Variants in LRP5 observed in about 807,000 individuals in gnomAD.
LRP5 encodes the protein LDL receptor related protein 5.
Under a neutral mutation model 154.1 loss-of-function variants are expected in LRP5, and 62 were observed. The observed-to-expected ratio is 0.40, with a 90% CI of 0.33 to 0.50. The LOEUF (loss-of-function observed/expected upper bound fraction) is 0.50, where lower values mean the gene tolerates loss of function less well. Ranked by LOEUF, LRP5 falls within the 20% of genes least tolerant of loss-of-function variation. The pLI, the probability that LRP5 is intolerant of heterozygous loss-of-function variation, is 0.55. For missense variants in LRP5, 1,915 were observed against 2,336.7 expected, an observed-to-expected ratio of 0.82 and a Z score of 3.72; for synonymous variants, 966 against 1,011.5, an observed-to-expected ratio of 0.96 and a Z score of 0.85.
At chr11:68,434,676 G>C (rs1389143595) in intron 18 of LRP5, among the ~76,000 whole-genome samples, 1 of 152,174 alleles carries the variant, frequency 6.6e-6, no homozygotes, top group Non-Finnish European at 1.5e-5. Context: ...CACCGCGCCC[G>C]GCCTGAGTTT....
At chr11:68,308,935 T>TC (rs1248102247), upstream of LRP5, among the ~76,000 whole-genome samples, 2 of 142,816 alleles carry the variant, frequency 1.4e-5, no homozygotes, top group African/African-American at 5.2e-5. Flanking sequence ...TTTTTTTTTT[T>TC]TTTTTTTTTT....
intron 1 of LRP5, among the ~76,000 whole-genome samples, chr11:68,333,132 G>T (rs75290885): frequency 6.6e-6 from 1 of 152,136 alleles, no homozygotes; most frequent in Admixed American, 6.6e-5. Flanking sequence ...AGTGGCCACC[G>T]CCACCCCAGT....
chr11:68,328,372 T>C (rs931601661), intron 1 of LRP5, among the ~76,000 whole-genome samples: 4 of 152,232 alleles, frequency 2.6e-5, no homozygotes, highest in African/African-American at 9.6e-5. Flanking sequence ...GGTACAAAGG[T>C]ATGTTTGTTT....
the LRP5 span, among the ~76,000 whole-genome samples, chr11:68,302,783 G>A: frequency 3.3e-5 from 5 of 152,212 alleles, no homozygotes; most frequent in African/African-American, 7.2e-5. Context: ...GCTGTCTGGC[G>A]GGCCGTGGCG....
At chr11:68,299,458 G>A in the LRP5 span, among the ~76,000 whole-genome samples, 1 of 147,888 alleles carries the variant, frequency 6.8e-6, no homozygotes, top group South Asian at 2.1e-4. Flanking sequence ...TAGACAGTGG[G>A]GTGGAGTCCT....
intron 15 of LRP5, among the ~76,000 whole-genome samples, chr11:68,425,612 T>C (rs919299628): frequency 1.4e-4 from 22 of 152,188 alleles, no homozygotes; most frequent in African/African-American, 5.3e-4. Context: ...TGTGTTAGGC[T>C]GCGAGGGCTG....
At chr11:68,425,769 G>A (rs1395356908) in intron 15 of LRP5, among the ~76,000 whole-genome samples, 4 of 152,118 alleles carry the variant, frequency 2.6e-5, no homozygotes, top group African/African-American at 9.7e-5. Flanking sequence ...CCTTCATCCC[G>A]AGCCCAGCCC....
chr11:68,413,216 A>G lies in LRP5; in HGVS notation c.2504-473A>G, dbSNP rs2098660585. 1 of 272,230 alleles carries G rather than the reference A, an allele frequency of 3.7e-6. No individual in the cohort carries two copies. Among genetic ancestry groups the G allele is most frequent in the South Asian group, 7.3e-5 (1 of 13,668 alleles). 16.9% of individuals were successfully genotyped at this position (272,230 alleles called of 1,614,324 possible). On this transcript the variant is annotated intron_variant, in intron 11 of 22. Transcript: ENST00000294304. This position sits in a 1 kb window ranked among gnomAD's most constrained non-coding sequence, Gnocchi z 5.1. ...ATCACCCCGGAGTGAGGACAGACTCAGATGAAAACCAGCAAAAGCCCTGGA... is the reference window on the plus strand; with the variant it reads ...ATCACCCCGGAGTGAGGACAGACTCGGATGAAAACCAGCAAAAGCCCTGGA...
chr11:68,309,185 G>A (rs1226584886), upstream of LRP5, among the ~76,000 whole-genome samples: 4 of 151,098 alleles, frequency 2.6e-5, no homozygotes, highest in African/African-American at 4.9e-5. Flanking sequence ...CACCCACCTC[G>A]GCCTCCCAAA....
At chr11:68,391,666 GT>G (rs1340336542) in intron 7 of LRP5, among the ~76,000 whole-genome samples, 2 of 152,236 alleles carry the variant, frequency 1.3e-5, no homozygotes, top group African/African-American at 4.8e-5. Context: ...GGAGCTGCAG[GT>G]GTGGCCATTT....
rs111855978 is a variant in LRP5 at position 68,356,426 on chromosome 11, C to T, written c.489-1224C>T. Among the ~76,000 whole-genome samples the T allele has an allele frequency of 3.6e-3, 549 of 152,222 alleles. 7 individuals are homozygous for T. The highest frequency in any genetic ancestry group is 0.013 in the African/African-American group (530 of 41,512). On this transcript the variant is annotated intron_variant, in intron 2 of 22. Transcript: ENST00000294304. ...TACTGGAATTACAGGTGCAAGCCAT[C>T]GTGCCTGGCCATGTTTTGTTGTTTT...
intron 1 of LRP5, among the ~76,000 whole-genome samples, chr11:68,344,849 C>CTCTTTTTTTT (rs1296907089): frequency 7.6e-5 from 5 of 65,544 alleles, no homozygotes; most frequent in African/African-American, 2.5e-4. Flanking sequence ...GAATCTCTCT[C>CTCTTTTTTTT]TTTTTTTTTT....
chr11:68,389,944 G>A lies in LRP5; in HGVS notation c.1476G>A (p.Gln492=). The A allele has an allele frequency of 6.2e-7, 1 of 1,614,246 alleles. No individual in the cohort carries two copies. Among genetic ancestry groups the A allele is most frequent in the Non-Finnish European group, 8.5e-7 (1 of 1,180,038 alleles). ...PKIECANLDG[Q]ERRVLVNASL... ...TCGAGTGTGCCAACTTGGATGGGCA[G>A]GAGCGGCGTGTGCTGGTCAATGCCT... Residue 492 remains glutamine, a synonymous_variant, in exon 7 of 23, where the codon CAG becomes CAA. Transcript: ENST00000294304.
intron 14 of LRP5, among the ~76,000 whole-genome samples, chr11:68,424,531 A>G (rs369349794): frequency 0.012 from 1,785 of 152,330 alleles, 47 homozygotes; most frequent in African/African-American, 0.041. Context: ...CCCAACAGCC[A>G]GGGCTCCGGG....
At chr11:68,398,867 G>T (rs2458262) in intron 7 of LRP5, among the ~76,000 whole-genome samples, 137,634 of 152,070 alleles carry the variant, frequency 0.91, 62,460 homozygotes, top group East Asian at 0.98. Context: ...CCTGAGTAGC[G>T]GGGACTACGG....
chr11:68,331,936 G>T (rs773798150), intron 1 of LRP5, among the ~76,000 whole-genome samples: 7 of 152,138 alleles, frequency 4.6e-5, no homozygotes, highest in Non-Finnish European at 8.8e-5. Context: ...AGGTGTGTGT[G>T]GGGAGTGGGG....
chr11:68,434,746 C>G (rs1380628881), intron 18 of LRP5, among the ~76,000 whole-genome samples: 3 of 151,980 alleles, frequency 2.0e-5, no homozygotes, highest in Admixed American at 6.6e-5. Context: ...CACCATGGGC[C>G]CAGGACTGCT....
At chr11:68,333,679 T>A (rs1441829034) in intron 1 of LRP5, among the ~76,000 whole-genome samples, 1 of 152,260 alleles carries the variant, frequency 6.6e-6, no homozygotes, top group Non-Finnish European at 1.5e-5. Flanking sequence ...ATGCTAGTTT[T>A]ATTTTTTTAA....
Position 68,439,786 on chromosome 11 carries a change from G to T in LRP5, c.4358G>T (p.Cys1453Phe). The change falls in exon 21 of 23, where the codon TGC becomes TTC. Residue 1453 changes from cysteine to phenylalanine, a missense_variant. Physicochemically the swap from Cys to Phe is radical, Grantham distance 205. Transcript: ENST00000294304. ...SQHGPFTGIA[C>F]GKSMMSSVSL... ...GTCCCTTCCCTGCCAGGCATCGCAT[G>T]CGGAAAGTCCATGATGAGCTCCGTG... 1 of 1,611,368 alleles carries T rather than the reference G, an allele frequency of 6.2e-7. No individual in the cohort carries two copies. The highest frequency in any genetic ancestry group is 8.5e-7 in the Non-Finnish European group (1 of 1,179,514).
Sources: gnomAD v4.1 joint callset for allele counts (sites outside exome capture counted in the v4.1 genomes callset) on GRCh38, gnomAD v4.1.1 for gene constraint, Gnocchi (gnomAD v3.1) non-coding constraint, MANE v1.5 for transcripts, NCBI Gene and HGNC (gene_info 2026-07-23, HGNC 2026-07-21) for gene names.